The following DMD variants were observed in gnomAD, a reference collection of about 807,000 sequenced individuals.
The protein encoded by DMD is mutant dystrophin.
Under a neutral mutation model 330.1 loss-of-function variants are expected in DMD, and 63 were observed. The observed-to-expected ratio is 0.19, with a 90% CI of 0.16 to 0.24. The LOEUF (loss-of-function observed/expected upper bound fraction) is 0.24. Ranked by LOEUF, DMD falls within the 10% of genes least tolerant of loss-of-function variation. DMD has a pLI of 1.00. For synonymous variants in DMD, 1,223 were observed against 959.8 expected (o/e 1.27, Z -5.07); for missense variants, 3,344 against 2,684.1 (o/e 1.25, Z -5.43).
intron 2 of DMD, among the ~76,000 whole-genome samples, chrX:32,944,200 C>T (rs1028043285): frequency 1.8e-5 from 2 of 112,286 alleles, no homozygotes; most frequent in Non-Finnish European, 3.8e-5. Flanking sequence ...TTAGGCAATG[C>T]ATTTATTTTT....
intron 2 of DMD, among the ~76,000 whole-genome samples, chrX:32,914,226 C>T (rs1424844343): frequency 8.9e-6 from 1 of 111,799 alleles, no homozygotes; most frequent in African/African-American, 3.3e-5. Context: ...AGACTCATGA[C>T]CCTCAGGTTA....
Position 31,138,674 on chromosome X carries a change from A to AGG in DMD, c.10922-4481_10922-4480insCC, listed in dbSNP as rs1680822414. ...GAGAGAGAGAGAGAGAGAGAGAGAG[A>AGG]GAGAGAGAGAGAGAAGGGGGAAGTG... On this transcript the variant is annotated intron_variant, in intron 76 of 78. Coordinates refer to ENST00000357033, the MANE Select transcript of DMD (RefSeq NM_004006.3). Among the ~76,000 whole-genome samples, 71 of 23,475 alleles carry AGG rather than the reference A, an allele frequency of 3.0e-3. 3 individuals are homozygous for AGG. In the South Asian group the frequency reaches 0.068, roughly 23 times the overall value. The allele number at this position is 23,475 out of a possible 115,157, so 20.4% of individuals were successfully genotyped here.
intron 2 of DMD, among the ~76,000 whole-genome samples, chrX:32,913,176 G>A (rs1454875138): frequency 9.0e-6 from 1 of 111,224 alleles, no homozygotes; most frequent in Non-Finnish European, 1.9e-5. Flanking sequence ...TTTAAAAGTG[G>A]CCCCTGGTAA....
Position 32,331,230 on chromosome X carries a change from G to A in DMD, c.5922+10870C>T, listed in dbSNP as rs762620853. ...TAAGAAAAGGGAATGGAAGGAATAT[G>A]GGCATCCCATTAATGTCCATAGTCA... On this transcript the variant is annotated intron_variant, in intron 41 of 78. Transcript: ENST00000357033. Among the ~76,000 whole-genome samples, 10 of 111,648 alleles carry A rather than the reference G, an allele frequency of 9.0e-5. No homozygotes were observed. The East Asian group carries it at 2.8e-3, about 32-fold the overall frequency.
At chrX:33,168,622 C>A (rs1247329955) in intron 1 of DMD, among the ~76,000 whole-genome samples, 13 of 110,078 alleles carry the variant, frequency 1.2e-4, no homozygotes, top group Non-Finnish European at 3.8e-5. Flanking sequence ...TAGGAAGAAG[C>A]AAGCAGATAA....
intron 34 of DMD, among the ~76,000 whole-genome samples, chrX:32,370,632 A>G (rs1283833277): frequency 9.0e-6 from 1 of 110,738 alleles, no homozygotes; most frequent in East Asian, 2.8e-4. Flanking sequence ...CATTGCACCA[A>G]GTTAATGATC....
intron 18 of DMD, among the ~76,000 whole-genome samples, chrX:32,504,234 T>C (rs753943475): frequency 2.7e-5 from 3 of 112,364 alleles, no homozygotes; most frequent in Non-Finnish European, 5.6e-5. Context: ...ATCAACTTCA[T>C]TGGAAGTTTA....
intron 1 of DMD, among the ~76,000 whole-genome samples, chrX:33,235,663 A>C (rs73623929): frequency 0.015 from 1,659 of 110,208 alleles, 33 homozygotes; most frequent in African/African-American, 0.052. Flanking sequence ...CTCAGAGGTG[A>C]TACACACCTA....
At position 33,312,078 on chromosome X, in the gene DMD, T is replaced by C. The variant is rs2053857995; in HGVS notation, c.7+27181A>G. ...TTTATTTAAGAAACACAGAATGGTG[T>C]CATTTCAATTTCATGACATTCCTTG... On this transcript the variant is annotated intron_variant, in intron 1 of 17. Coordinates refer to the DMD transcript ENST00000288447. 2.7e-5 allele frequency among the ~76,000 whole-genome samples: 3 copies of C among 110,530 alleles called. No individual in the cohort carries two copies. In the South Asian group the frequency reaches 1.2e-3, roughly 43 times the overall value.
intron 2 of DMD, among the ~76,000 whole-genome samples, chrX:32,944,853 G>T (rs997878386): frequency 8.1e-5 from 9 of 110,586 alleles, no homozygotes; most frequent in African/African-American, 2.3e-4. Flanking sequence ...TGATCCACCC[G>T]CCTCGGCCTC....
At chrX:31,728,342 ACC>A (rs2086241419) in intron 52 of DMD, among the ~76,000 whole-genome samples, 1 of 111,531 alleles carries the variant, frequency 9.0e-6, no homozygotes, top group Admixed American at 9.5e-5. Flanking sequence ...TGTTCTTGGA[ACC>A]TGTTTTCTCG....
intron 55 of DMD, among the ~76,000 whole-genome samples, chrX:31,540,106 T>A (rs920138477): frequency 8.9e-6 from 1 of 112,291 alleles, no homozygotes; most frequent in African/African-American, 3.2e-5. Flanking sequence ...CTGGAAAACT[T>A]AGGAATTTAA....
intron 2 of DMD, among the ~76,000 whole-genome samples, chrX:33,004,634 A>C (rs2147463890): frequency 9.0e-6 from 1 of 110,889 alleles, no homozygotes; most frequent in Non-Finnish European, 1.9e-5. Context: ...TTTTTTTATA[A>C]AAAGTTTATA....
chrX:31,885,611 CAAAA>C (rs762289533), intron 47 of DMD, among the ~76,000 whole-genome samples: 1 of 52,340 alleles, frequency 1.9e-5, no homozygotes, highest in Non-Finnish European at 3.3e-5. Context: ...CTCCGTCTCA[CAAAA>C]AAAAAAAAAA....
At chrX:32,797,175 A>G (rs780869150) in intron 7 of DMD, among the ~76,000 whole-genome samples, 4 of 110,594 alleles carry the variant, frequency 3.6e-5, no homozygotes, top group Non-Finnish European at 7.5e-5. Flanking sequence ...TAGGCTTGAG[A>G]GTAGTGGCAC....
At chrX:31,338,906 T>A in intron 61 of DMD, among the ~76,000 whole-genome samples, 3 of 68,417 alleles carry the variant, frequency 4.4e-5, no homozygotes, top group Admixed American at 2.0e-4. Flanking sequence ...CCAAATAACA[T>A]AGATAAATTA....
chrX:32,726,988 T>C (rs979592395), intron 7 of DMD, among the ~76,000 whole-genome samples: 5 of 110,593 alleles, frequency 4.5e-5, no homozygotes, highest in Non-Finnish European at 7.6e-5. Context: ...AGATGGTAGA[T>C]TCATAAAGAC....
intron 1 of DMD, among the ~76,000 whole-genome samples, chrX:33,108,425 G>C (rs1183371242): frequency 9.4e-6 from 1 of 106,710 alleles, no homozygotes; most frequent in Non-Finnish European, 1.9e-5. Flanking sequence ...GTGCCACCAG[G>C]CCGGCTAATT....
intron 43 of DMD, among the ~76,000 whole-genome samples, chrX:32,247,281 G>T (rs1476608365): frequency 1.8e-5 from 2 of 111,403 alleles, no homozygotes; most frequent in Non-Finnish European, 3.8e-5. Context: ...TTGGAAGTTT[G>T]TCAAAACAAA....
Sources: gnomAD v4.1 joint callset for allele counts (sites outside exome capture counted in the v4.1 genomes callset) on GRCh38, gnomAD v4.1.1 for gene constraint, MANE v1.5 for transcripts, NCBI Gene and HGNC (gene_info 2026-07-23, HGNC 2026-07-21) for gene names.